ZDHHC14: variants seen among roughly 807,000 people sequenced by gnomAD.
ZDHHC14 encodes zDHHC palmitoyltransferase 14, also known as palmitoyltransferase ZDHHC14.
In ZDHHC14, 16 loss-of-function variants were observed where a neutral mutation model predicts 47.7. The observed-to-expected ratio is 0.34, with a 90% CI of 0.23 to 0.51. The LOEUF (loss-of-function observed/expected upper bound fraction) is 0.51, where lower values mean the gene tolerates loss of function less well. Among genes scored for constraint, ZDHHC14 ranks in the 20% least tolerant of loss-of-function variants. The pLI is 0.97. For missense variants in ZDHHC14, 515 were observed against 662.5 expected (o/e 0.78, Z 2.44); for synonymous variants, 293 against 278.9 (o/e 1.05, Z -0.50).
In ZDHHC14 at chr6:157,424,106, A is replaced by C. The variant is rs143766254; in HGVS notation, c.245+41840A>C. ...CCCAAACCAAATACACTTCTTTTTC[A>C]TATCAAACAACACATTCACTGAAAT... On this transcript the variant is annotated intron_variant, in intron 1 of 8. Transcript: ENST00000359775. Among the ~76,000 whole-genome samples, 268 of 152,304 alleles carry C rather than the reference A, an allele frequency of 1.8e-3. 6 individuals are homozygous for C. The East Asian group carries it at 0.048, about 27-fold the overall frequency.
In ZDHHC14 at chr6:157,647,314, A is replaced by T; in HGVS notation, c.911A>T (p.Tyr304Phe). ...RGKENYNPYSYGNIFTNCCVA... is the reference protein window; with the variant it reads ...RGKENYNPYSFGNIFTNCCVA... ...AAAGAAAATTACAATCCCTACAGCT[A>T]CGGAAATATCTTTACCAACTGCTGT... Residue 304 changes from tyrosine (Y) to phenylalanine (F), a missense_variant, in exon 7 of 9, where the codon TAC (tyrosine) becomes TTC (phenylalanine). This residue lies in a region of ZDHHC14 where 229 missense variants were observed against 351.5 expected (regional missense o/e 0.65). Transcript: ENST00000359775. 6.2e-7 allele frequency: 1 copy of T among 1,614,198 alleles called. No homozygotes were observed. The highest frequency in any genetic ancestry group is 8.5e-7 in the Non-Finnish European group (1 of 1,180,020).
At chr6:157,559,901 A>G (rs1008243806) in intron 2 of ZDHHC14, among the ~76,000 whole-genome samples, 2 of 152,254 alleles carry the variant, frequency 1.3e-5, no homozygotes, top group African/African-American at 4.8e-5. Flanking sequence ...ATAGGCCCCC[A>G]TGGACAGGGC....
chr6:157,543,215 A>G (rs1378712500), intron 2 of ZDHHC14, among the ~76,000 whole-genome samples: 1 of 152,208 alleles, frequency 6.6e-6, no homozygotes, highest in Non-Finnish European at 1.5e-5. Flanking sequence ...TATAATAAAC[A>G]TGTATCTGTG....
Position 157,578,043 on chromosome 6 carries a change from G to GT in ZDHHC14, c.407-14936dup, listed in dbSNP as rs1011766338. Among the ~76,000 whole-genome samples the GT allele has an allele frequency of 8.8e-5, 9 of 101,932 alleles. No homozygotes were observed. In the East Asian group the frequency reaches 1.0e-3, roughly 12 times the overall value. 66.9% of individuals were successfully genotyped at this position (101,932 alleles called of 152,430 possible). A position where few individuals can be genotyped will look rare whatever the true frequency, so the allele number is the denominator to read the frequency against. On this transcript the variant is annotated intron_variant, in intron 2 of 8. Transcript: ENST00000359775. ...CCTTTGCCCACTTTTTAATGGGGTTGTTTTTTTTTCTTGTAAATTCATTTA... is the reference window on the plus strand; with the variant it reads ...CCTTTGCCCACTTTTTAATGGGGTTGTTTTTTTTTTCTTGTAAATTCATTTA...
chr6:157,599,100 G>A (rs572903868), intron 3 of ZDHHC14, among the ~76,000 whole-genome samples: 8 of 152,144 alleles, frequency 5.3e-5, no homozygotes, highest in Non-Finnish European at 1.0e-4. Context: ...TTAGAAAATG[G>A]CAGTAAGAAC....
intron 2 of ZDHHC14, among the ~76,000 whole-genome samples, chr6:157,570,332 A>G (rs886128900): frequency 2.0e-5 from 3 of 152,222 alleles, no homozygotes; most frequent in Non-Finnish European, 4.4e-5. Flanking sequence ...CAATAATGCA[A>G]ACACTGACAA....
At position 157,391,859 on chromosome 6, in the gene ZDHHC14, T is replaced by G. The variant is rs191035770; in HGVS notation, c.245+9593T>G. On this transcript the variant is annotated intron_variant, in intron 1 of 8. Coordinates refer to ENST00000359775, the MANE Select transcript of ZDHHC14 (RefSeq NM_024630.3). Reference sequence around the variant, plus strand: ...GCTCTCACAACTTTCAACTTGTGATTGTTAAAAACTTAATACTGTATTTCT... The same window carrying G: ...GCTCTCACAACTTTCAACTTGTGATGGTTAAAAACTTAATACTGTATTTCT... Among the ~76,000 whole-genome samples, 319 of 152,384 alleles carry G rather than the reference T, an allele frequency of 2.1e-3. 2 individuals carry two copies. Among genetic ancestry groups the G allele is most frequent in the South Asian group, 4.3e-3 (21 of 4,830 alleles).
chr6:157,650,118 G>A, intron 7 of ZDHHC14, among the ~76,000 whole-genome samples: 1 of 152,174 alleles, frequency 6.6e-6, no homozygotes, highest in Admixed American at 6.5e-5. Context: ...GGGGTGCACG[G>A]GAGAGGGGCC....
chr6:157,476,223 A>G (rs1313660710), intron 1 of ZDHHC14, among the ~76,000 whole-genome samples: 10 of 152,202 alleles, frequency 6.6e-5, no homozygotes, highest in Non-Finnish European at 1.5e-4. Flanking sequence ...GACTCAAATC[A>G]GAAATGAAAG....
intron 1 of ZDHHC14, among the ~76,000 whole-genome samples, chr6:157,444,881 A>G (rs944061975): frequency 1.3e-5 from 2 of 152,090 alleles, no homozygotes; most frequent in Admixed American, 1.3e-4. Flanking sequence ...AGGGGTCACT[A>G]GTCATTGAAA....
At chr6:157,505,583 C>A (rs1469391331) in intron 1 of ZDHHC14, among the ~76,000 whole-genome samples, 3 of 152,098 alleles carry the variant, frequency 2.0e-5, no homozygotes, top group Non-Finnish European at 2.9e-5. Flanking sequence ...TATGAGGGAA[C>A]AAATCATCAT....
intron 3 of ZDHHC14, 33 bp downstream of exon 3, chr6:157,593,179 C>T (rs1582990385): frequency 6.3e-7 from 1 of 1,585,386 alleles, no homozygotes; most frequent in Non-Finnish European, 8.6e-7. Context: ...CTGGCGGGAG[C>T]CCGGGTCCTC....
At chr6:157,383,701 A>T (rs1407752282) in intron 1 of ZDHHC14, among the ~76,000 whole-genome samples, 1 of 152,052 alleles carries the variant, frequency 6.6e-6, no homozygotes, top group African/African-American at 2.4e-5. Context: ...CCTCTTCCCC[A>T]TTTCCGATGG....
At chr6:157,613,238 A>C (rs1382912601) in intron 3 of ZDHHC14, among the ~76,000 whole-genome samples, 1 of 152,220 alleles carries the variant, frequency 6.6e-6, no homozygotes, top group Non-Finnish European at 1.5e-5. Flanking sequence ...TTTTACAGCA[A>C]CTCACAGTAG....
chr6:157,500,531 A>T (rs1020201660), intron 1 of ZDHHC14, among the ~76,000 whole-genome samples: 4 of 152,196 alleles, frequency 2.6e-5, no homozygotes, highest in Non-Finnish European at 4.4e-5. Context: ...GTGGACTTGG[A>T]CCAGGGCTCA....
chr6:157,449,767 C>T (rs35196096), intron 1 of ZDHHC14, among the ~76,000 whole-genome samples: 31,515 of 152,018 alleles, frequency 0.21, 3,661 homozygotes, highest in African/African-American at 0.31. Flanking sequence ...GCCGGAATTC[C>T]TTCTGACTTG....
Position 157,521,167 on chromosome 6 carries a change from G to A in ZDHHC14, c.246-21418G>A, listed in dbSNP as rs995887276. Among the ~76,000 whole-genome samples, 7 of 152,242 alleles carry A rather than the reference G, an allele frequency of 4.6e-5. No individual in the cohort carries two copies. The South Asian group carries it at 6.2e-4, about 14-fold the overall frequency. On this transcript the variant is annotated intron_variant, in intron 1 of 8. Transcript: ENST00000359775. ...CTTCCTCATTTACAGATGGAGAAGCGGGGACCCTGGAGGCAGAATCAGGAG... is the reference window on the plus strand; with the variant it reads ...CTTCCTCATTTACAGATGGAGAAGCAGGGACCCTGGAGGCAGAATCAGGAG...
intron 1 of ZDHHC14, among the ~76,000 whole-genome samples, chr6:157,426,197 G>C (rs1778214876): frequency 6.6e-6 from 1 of 152,142 alleles, no homozygotes; most frequent in Non-Finnish European, 1.5e-5. Flanking sequence ...GGAGGGATCT[G>C]GCACAAGGAA....
At chr6:157,615,697 T>TA (rs1784938222) in intron 3 of ZDHHC14, among the ~76,000 whole-genome samples, 1 of 152,226 alleles carries the variant, frequency 6.6e-6, no homozygotes, top group Non-Finnish European at 1.5e-5. Flanking sequence ...TGGTGTTTCA[T>TA]AAGGGGGCAG....
Sources: allele counts gnomAD v4.1 joint callset (sites outside exome capture counted in the v4.1 genomes callset), GRCh38; gene constraint gnomAD v4.1.1; regional missense constraint gnomAD v4.1.1; transcripts MANE v1.5; gene names NCBI Gene and HGNC (gene_info 2026-07-23, HGNC 2026-07-21).